Variants in CRLF3 observed in about 807,000 individuals in gnomAD.
CRLF3 encodes the protein cytokine receptor like factor 3.
CRLF3 carries 33 observed loss-of-function variants against 55.0 expected under a neutral mutation model. That is an observed-to-expected ratio of 0.60 (90% confidence interval 0.46 to 0.80). CRLF3 has a LOEUF of 0.80. CRLF3 is among the 30% of genes least tolerant of loss of function. CRLF3 has a pLI of 0.00. For synonymous variants in CRLF3, 238 were observed against 196.8 expected, an observed-to-expected ratio of 1.21 and a Z score of -1.75; for missense variants, 494 against 538.4, an observed-to-expected ratio of 0.92 and a Z score of 0.82.
Position 30,800,286 on chromosome 17 carries a change from A to G in CRLF3, c.338-2888T>C, listed in dbSNP as rs142280822. Among the ~76,000 whole-genome samples, 36 of 152,214 alleles carry G rather than the reference A, an allele frequency of 2.4e-4. No homozygotes were observed. In the East Asian group the frequency reaches 7.0e-3, roughly 29 times the overall value. Reference sequence around the variant, plus strand: ...TCCCTTGATGATTGTACTTATTCCAATAGATTCAGATTTGATATATATGCC... The same window carrying G: ...TCCCTTGATGATTGTACTTATTCCAGTAGATTCAGATTTGATATATATGCC... On this transcript the variant is annotated intron_variant, in intron 2 of 7. Transcript: ENST00000324238.
At chr17:30,810,677 T>C (rs545277629) in intron 1 of CRLF3, among the ~76,000 whole-genome samples, 42 of 152,270 alleles carry the variant, frequency 2.8e-4, no homozygotes, top group African/African-American at 9.6e-4. Flanking sequence ...GCTCACAAAA[T>C]GCCAAAAATT....
At chr17:30,810,843 T>C (rs542767706) in intron 1 of CRLF3, among the ~76,000 whole-genome samples, 4 of 151,914 alleles carry the variant, frequency 2.6e-5, no homozygotes, top group African/African-American at 9.7e-5. Flanking sequence ...ATGCCTATAA[T>C]CCCGGCACTT....
rs779734514 is a variant in CRLF3, at chr17:30,793,475, T to C, written c.801A>G (p.Ile267Met). 2 of 1,614,034 alleles carry C rather than the reference T, an allele frequency of 1.2e-6. No homozygotes were observed. The highest frequency in any genetic ancestry group is 1.1e-5 in the South Asian group (1 of 91,080). ...CATGAGGCACCAATGTGGAATGACCTATCTGGGGGACACTCCAAGGACTCC... is the reference window on the plus strand; with the variant it reads ...CATGAGGCACCAATGTGGAATGACCCATCTGGGGGACACTCCAAGGACTCC... ...QEWSPWSVPQ[I>M]GHSTLVPHEW... The change falls in exon 5 of 8, where the codon ATA (isoleucine) becomes ATG (methionine). Residue 267 changes from isoleucine (I) to methionine (M), a missense_variant. Ile to Met is a conservative substitution (Grantham distance 10, BLOSUM62 1). Transcript: ENST00000324238.
At chr17:30,808,577 C>T (rs779106060) in intron 1 of CRLF3, among the ~76,000 whole-genome samples, 9 of 150,990 alleles carry the variant, frequency 6.0e-5, no homozygotes, top group Admixed American at 2.6e-4. Flanking sequence ...CGTGAGCCAA[C>T]GCGCCCAGCC....
In CRLF3 at chr17:30,796,028, C is replaced by G. The variant is rs572764365; in HGVS notation, c.603+132G>C. 2.1e-5 allele frequency: 11 copies of G among 511,976 alleles called. No homozygotes were observed. In the South Asian group the frequency reaches 4.6e-4, roughly 21 times the overall value. The allele number at this position is 511,976 out of a possible 1,614,324, so 31.7% of individuals were successfully genotyped here. A position where few individuals can be genotyped will look rare whatever the true frequency, so the allele number is the denominator to read the frequency against. On this transcript the variant is annotated intron_variant, in intron 4 of 7. Coordinates refer to ENST00000324238, the MANE Select transcript of CRLF3 (RefSeq NM_015986.4). ...AGTGTTCCATGTGACTTCATTTTAA[C>G]TGTAAAGTAAAAGAGATTTTTGTTT...
chr17:30,793,043 C>G (rs1971844954), intron 5 of CRLF3, among the ~76,000 whole-genome samples: 1 of 150,664 alleles, frequency 6.6e-6, no homozygotes, highest in South Asian at 2.1e-4. Flanking sequence ...GTGGTCCCAG[C>G]TACTTGGGAG....
chr17:30,802,162 A>C (rs888280819), intron 2 of CRLF3, among the ~76,000 whole-genome samples: 1 of 151,834 alleles, frequency 6.6e-6, no homozygotes, highest in Non-Finnish European at 1.5e-5. Context: ...TCACTCTGTC[A>C]CCCAGGCTGG....
Position 30,792,554 on chromosome 17 carries a change from T to C in CRLF3, c.845A>G (p.Glu282Gly), listed in dbSNP as rs753268487. ...TCTTCGACTGCTCAGACTGTACCCC[T>C]CAAAACCAGCTGTCCACTCTTTTTC... ...LVPHEWTAGF[E>G]GYSLSSRRNI... The change falls in exon 6 of 8, where the codon GAG becomes GGG. Residue 282 changes from glutamate to glycine, a missense_variant. Glu to Gly is a moderately conservative substitution (Grantham distance 98). Coordinates refer to ENST00000324238, the MANE Select transcript of CRLF3 (RefSeq NM_015986.4). The C allele has an allele frequency of 6.2e-7, 1 of 1,601,936 alleles. No homozygotes were observed. The highest frequency in any genetic ancestry group is 8.5e-7 in the Non-Finnish European group (1 of 1,170,078).
In CRLF3 at chr17:30,793,526, G is replaced by A. The variant is rs760595309; in HGVS notation, c.750C>T (p.Cys250=). ...ACTCCTGTCGGCCATCTCCTCGGGC[G>A]CAGACTCTGAACTGGTAATCAACGT... ...DPNVDYQFRV[C]ARGDGRQEWS... Residue 250 remains cysteine, a synonymous_variant, in exon 5 of 8, where the codon TGC becomes TGT. Transcript: ENST00000324238. 44 of 1,614,018 alleles carry A rather than the reference G, an allele frequency of 2.7e-5. No homozygotes were observed. Among genetic ancestry groups the A allele is most frequent in the East Asian group, 1.1e-4 (5 of 44,894 alleles).
At chr17:30,787,562 A>C (rs1180933408) in intron 6 of CRLF3, 4 of 152,084 alleles carry the variant, frequency 2.6e-5, no homozygotes, top group Non-Finnish European at 5.9e-5. Context: ...GTGAAACAAA[A>C]TGTGGCTTTT....
At chr17:30,819,750 A>G (rs1904931950) in intron 1 of CRLF3, among the ~76,000 whole-genome samples, 1 of 152,204 alleles carries the variant, frequency 6.6e-6, no homozygotes, top group South Asian at 2.1e-4. Context: ...CAAGTGATGA[A>G]AGATATAATA....
intron 1 of CRLF3, among the ~76,000 whole-genome samples, chr17:30,811,277 A>T (rs1255331999): frequency 6.6e-6 from 1 of 151,890 alleles, no homozygotes; most frequent in Non-Finnish European, 1.5e-5. Flanking sequence ...CAACATGGTG[A>T]AACCCTGTCG....
At position 30,803,689 on chromosome 17, in the gene CRLF3, C is replaced by T. The variant is rs185374807; in HGVS notation, c.337+212G>A. The T allele has an allele frequency of 9.1e-6, 5 of 552,404 alleles. No homozygotes were observed. In the East Asian group the frequency reaches 1.6e-4, roughly 17 times the overall value. 34.2% of individuals were successfully genotyped at this position (552,404 alleles called of 1,614,324 possible). On this transcript the variant is annotated intron_variant, in intron 2 of 7. Coordinates refer to ENST00000324238, the MANE Select transcript of CRLF3 (RefSeq NM_015986.4). ...GATCTAATGGTATTTTAAGGGGAAACCCCTTTCGCTTGGCTCTCATTCTCT... is the reference window on the plus strand; with the variant it reads ...GATCTAATGGTATTTTAAGGGGAAATCCCTTTCGCTTGGCTCTCATTCTCT...
chr17:30,793,739 A>T, intron 4 of CRLF3, 67 bp from the exon 5 acceptor site: 1 of 1,168,728 alleles, frequency 8.6e-7, no homozygotes, highest in Non-Finnish European at 1.2e-6. Context: ...ACTGCTTAAA[A>T]ATTTTGAACG....
At chr17:30,803,271 G>A (rs936955337) in intron 2 of CRLF3, among the ~76,000 whole-genome samples, 20 of 151,874 alleles carry the variant, frequency 1.3e-4, no homozygotes, top group Admixed American at 7.9e-4. Flanking sequence ...ATTACACACC[G>A]CATGCCTGTA....
At chr17:30,799,499 C>A (rs1038358714) in intron 2 of CRLF3, among the ~76,000 whole-genome samples, 6 of 151,788 alleles carry the variant, frequency 4.0e-5, no homozygotes, top group African/African-American at 7.3e-5. Flanking sequence ...GCTAGGACTA[C>A]AGGAATGTGC....
At chr17:30,795,745 G>A (rs1255952972) in intron 4 of CRLF3, among the ~76,000 whole-genome samples, 1 of 152,108 alleles carries the variant, frequency 6.6e-6, no homozygotes, top group African/African-American at 2.4e-5. Flanking sequence ...AGAACAGCCT[G>A]GCCAACATGG....
rs778909575 is a variant in CRLF3, at chr17:30,784,268, G to A, written c.1248C>T (p.Asp416=). ...AACCACAAGACTGATCAAGTAACCA[G>A]TCAAAAACCACTTCTCTATTATTTG... The part of the protein sequence containing the change: ...ISSNNREVVF[D]WLLDQSCGSL... The change falls in exon 8 of 8, where the codon GAC becomes GAT. Residue 416 remains aspartate (D), a synonymous_variant. Transcript: ENST00000324238. 45 of 1,613,570 alleles carry A rather than the reference G, an allele frequency of 2.8e-5. No individual in the cohort carries two copies. The South Asian group carries it at 4.4e-4, about 16-fold the overall frequency.
intron 1 of CRLF3, among the ~76,000 whole-genome samples, chr17:30,820,284 A>C (rs1184935812): frequency 1.3e-5 from 2 of 152,256 alleles, no homozygotes; most frequent in Non-Finnish European, 2.9e-5. Context: ...GTTTTGACAG[A>C]ATAACTTAAA....
Sources: allele counts gnomAD v4.1 joint callset (sites outside exome capture counted in the v4.1 genomes callset), GRCh38; gene constraint gnomAD v4.1.1; transcripts MANE v1.5; gene names NCBI Gene and HGNC (gene_info 2026-07-23, HGNC 2026-07-21).